FYB1: variants seen among roughly 807,000 people sequenced by gnomAD.
FYB1 encodes the protein FYN-binding protein 1.
Under a neutral mutation model 94.1 loss-of-function variants are expected in FYB1, and 41 were observed. That is an observed-to-expected ratio of 0.44 (90% CI 0.34 to 0.57). FYB1 has a LOEUF of 0.57. Among genes scored for constraint, FYB1 ranks in the 20% least tolerant of loss-of-function variants. The probability of loss-of-function intolerance (pLI) is 0.02; values close to 1 mark genes in which losing one functional copy is unlikely to be tolerated. For missense variants in FYB1, 1,050 were observed against 976.8 expected, an observed-to-expected ratio of 1.07 and a Z score of -1.00; for synonymous variants, 367 against 353.2, an observed-to-expected ratio of 1.04 and a Z score of -0.44.
In FYB1 at chr5:39,106,534, A is replaced by T. The variant is rs1316758987; in HGVS notation, c.*909T>A. On this transcript the variant is annotated 3_prime_UTR_variant, in exon 19 of 19. Transcript: ENST00000512982. ...CCAACTTTCCAGTAAAATGGATTTTAAAAAAAGAGAAAAAAAAATCTAGCG... is the reference window on the plus strand; with the variant it reads ...CCAACTTTCCAGTAAAATGGATTTTTAAAAAAGAGAAAAAAAAATCTAGCG... 3 of 152,034 alleles carry T rather than the reference A, an allele frequency of 2.0e-5. No individual in the cohort carries two copies. Among genetic ancestry groups the T allele is most frequent in the Non-Finnish European group, 4.4e-5 (3 of 67,968 alleles). The allele number at this position is 152,034 out of a possible 1,614,324, so 9.4% of individuals were successfully genotyped here.
chr5:39,232,312 A>G (rs546137993), intron 1 of FYB1, among the ~76,000 whole-genome samples: 73 of 152,200 alleles, frequency 4.8e-4, no homozygotes, highest in Admixed American at 2.0e-3. Flanking sequence ...TATAAGTCAC[A>G]TGAAACTAAA....
At chr5:39,225,547 TG>T (rs930869187) in intron 1 of FYB1, among the ~76,000 whole-genome samples, 6 of 152,242 alleles carry the variant, frequency 3.9e-5, no homozygotes, top group African/African-American at 1.2e-4. Context: ...GAACCTTTTG[TG>T]GTTCTGATGC....
intron 1 of FYB1, among the ~76,000 whole-genome samples, chr5:39,247,084 A>G (rs1395741856): frequency 1.3e-4 from 17 of 131,120 alleles, no homozygotes; most frequent in Non-Finnish European, 2.6e-4. Flanking sequence ...ATATATATAT[A>G]TATATATATA....
chr5:39,243,300 C>G (rs1172309868), intron 1 of FYB1, among the ~76,000 whole-genome samples: 9 of 151,924 alleles, frequency 5.9e-5, no homozygotes, highest in Admixed American at 2.6e-4. Flanking sequence ...TTTAATCCAT[C>G]TTGAATTAAT....
chr5:39,257,847 T>TCAAAATC (rs1399193242), intron 1 of FYB1, among the ~76,000 whole-genome samples: 1 of 149,368 alleles, frequency 6.7e-6, no homozygotes, highest in Non-Finnish European at 1.5e-5. Flanking sequence ...GCCAGCCAAA[T>TCAAAATC]CAAAATCTCT....
chr5:39,207,458 C>T (rs1178226198), intron 1 of FYB1, among the ~76,000 whole-genome samples: 3 of 152,172 alleles, frequency 2.0e-5, no homozygotes, highest in Non-Finnish European at 4.4e-5. Flanking sequence ...TTACAACCTC[C>T]AGATTGACAG....
intron 1 of FYB1, among the ~76,000 whole-genome samples, chr5:39,213,418 C>T (rs1749588182): frequency 6.6e-6 from 1 of 152,180 alleles, no homozygotes; most frequent in African/African-American, 2.4e-5. Context: ...CCACCTAACT[C>T]TAGAAATTGA....
intron 9 of FYB1, among the ~76,000 whole-genome samples, chr5:39,131,288 T>G (rs1281821911): frequency 6.6e-6 from 1 of 152,204 alleles, no homozygotes; most frequent in African/African-American, 2.4e-5. Flanking sequence ...AAATGTAGAC[T>G]GTGAGAATGG....
In FYB1 at chr5:39,171,385, A is replaced by C. The variant is rs1337618824; in HGVS notation, c.1136-17781T>G. On this transcript the variant is annotated intron_variant, in intron 2 of 18. Coordinates refer to ENST00000512982, the MANE Select transcript of FYB1 (RefSeq NM_001465.6). ...AAGTTGTGGAATCAGGACTCGCAGC[A>C]TCAGCATCACCTGAGAACTTGCTAC... Among the ~76,000 whole-genome samples the C allele has an allele frequency of 2.6e-5, 4 of 152,198 alleles. No homozygotes were observed. In the East Asian group the frequency reaches 5.8e-4, roughly 22 times the overall value.
At chr5:39,236,694 T>C (rs1750980700) in intron 1 of FYB1, among the ~76,000 whole-genome samples, 1 of 152,128 alleles carries the variant, frequency 6.6e-6, no homozygotes, top group East Asian at 1.9e-4. Context: ...TAGCAAGTTA[T>C]TAACCAGCAA....
intron 2 of FYB1, among the ~76,000 whole-genome samples, chr5:39,193,419 A>T (rs1317461084): frequency 1.3e-5 from 2 of 152,238 alleles, no homozygotes; most frequent in Non-Finnish European, 2.9e-5. Flanking sequence ...GGCAAACATT[A>T]TCTAAAACTC....
intron 2 of FYB1, among the ~76,000 whole-genome samples, chr5:39,179,240 G>A (rs1746000978): frequency 6.6e-6 from 1 of 152,108 alleles, no homozygotes; most frequent in Non-Finnish European, 1.5e-5. Flanking sequence ...AACTATGGAG[G>A]GACAGAGCTC....
chr5:39,250,978 T>C (rs1751689403), intron 1 of FYB1, among the ~76,000 whole-genome samples: 4 of 152,338 alleles, frequency 2.6e-5, no homozygotes, highest in Admixed American at 2.6e-4. Flanking sequence ...AATCATGTCA[T>C]TTTTGAGTGT....
intron 2 of FYB1, among the ~76,000 whole-genome samples, chr5:39,163,849 T>G (rs556286655): frequency 2.1e-5 from 1 of 47,512 alleles, no homozygotes; most frequent in Non-Finnish European, 1.2e-4. Flanking sequence ...AGGCAATAAC[T>G]GAATATTCTT....
chr5:39,149,202 T>G (rs1284116304), intron 3 of FYB1, among the ~76,000 whole-genome samples: 1 of 152,192 alleles, frequency 6.6e-6, no homozygotes, highest in African/African-American at 2.4e-5. Flanking sequence ...CTGGAATCTT[T>G]TACACTCTTA....
chr5:39,176,575 C>A (rs1745755503), intron 2 of FYB1, among the ~76,000 whole-genome samples: 2 of 152,156 alleles, frequency 1.3e-5, no homozygotes, highest in African/African-American at 4.8e-5. Flanking sequence ...CAACCTGCAA[C>A]TTTGGATGAT....
In FYB1 at chr5:39,248,950, ATTTAAG is replaced by A. The variant is rs542538902; in HGVS notation, c.-28+25447_-28+25452del. Among the ~76,000 whole-genome samples, 118 of 152,352 alleles carry A rather than the reference ATTTAAG, an allele frequency of 7.7e-4. 1 individual carries two copies. The highest frequency in any genetic ancestry group is 2.7e-3 in the African/African-American group (114 of 41,586). On this transcript the variant is annotated intron_variant, in intron 1 of 1. Transcript: ENST00000510188. Reference sequence around the variant, plus strand: ...TGGTAGCCATTAGCCACATGTAGCTATTTAAGTTTAAATTTTTGTTAATTAAAATTA... The same window carrying A: ...TGGTAGCCATTAGCCACATGTAGCTATTTAAATTTTTGTTAATTAAAATTA...
chr5:39,270,595 C>A (rs1319391910), intron 1 of FYB1: 1 of 1,534,472 alleles, frequency 6.5e-7, no homozygotes, highest in East Asian at 2.4e-5. Context: ...AGTTGATATG[C>A]CTGGCACACA....
At position 39,140,221 on chromosome 5, in the gene FYB1, T is replaced by A. The variant is rs78523549; in HGVS notation, c.1339+874A>T. ...AACTGACCGAATGGGAGAAGATATT[T>A]GCAATGTTTGAAGTTGACATGACAT... On this transcript the variant is annotated intron_variant, in intron 4 of 18. Transcript: ENST00000512982. Among the ~76,000 whole-genome samples the A allele has an allele frequency of 4.0e-3, 615 of 152,294 alleles. 4 individuals carry two copies. The highest frequency in any genetic ancestry group is 0.01 in the Middle Eastern group (3 of 294).
Sources: allele counts gnomAD v4.1 joint callset (sites outside exome capture counted in the v4.1 genomes callset), GRCh38; gene constraint gnomAD v4.1.1; transcripts MANE v1.5; gene names NCBI Gene and HGNC (gene_info 2026-07-23, HGNC 2026-07-21).